ASIC5: variants seen among roughly 807,000 people sequenced by gnomAD.
ASIC5 encodes the protein acid sensing ion channel subunit family member 5.
ASIC5 carries 52 observed loss-of-function variants against 51.2 expected under a neutral mutation model. That is an observed-to-expected ratio of 1.02 (90% CI 0.81 to 1.28). The LOEUF (loss-of-function observed/expected upper bound fraction) is 1.28. Ranked by LOEUF, ASIC5 falls within the 50% of genes most tolerant of loss-of-function variation. The probability of loss-of-function intolerance (pLI) is 0.00; values close to 1 mark genes in which losing one functional copy is unlikely to be tolerated. For missense variants in ASIC5, 635 were observed against 595.0 expected (o/e 1.07, Z -0.70); for synonymous variants, 231 against 200.7 (o/e 1.15, Z -1.28).
intron 1 of ASIC5, among the ~76,000 whole-genome samples, chr4:155,864,144 G>A (rs890391893): frequency 1.1e-4 from 16 of 152,216 alleles, no homozygotes; most frequent in African/African-American, 3.9e-4. Context: ...ACAAAATGAG[G>A]CTGATTCCTC....
intron 2 of ASIC5, among the ~76,000 whole-genome samples, chr4:155,862,534 T>C (rs2110773255): frequency 6.6e-6 from 1 of 152,222 alleles, no homozygotes; most frequent in East Asian, 1.9e-4. Flanking sequence ...TATTTCATGC[T>C]TCACCACAGG....
chr4:155,840,507 T>C (rs1741092811), intron 6 of ASIC5, among the ~76,000 whole-genome samples: 1 of 148,544 alleles, frequency 6.7e-6, no homozygotes, highest in Non-Finnish European at 1.5e-5. Context: ...ATATTTTATA[T>C]ATTTTTTACT....
intron 2 of ASIC5, among the ~76,000 whole-genome samples, chr4:155,858,300 T>C (rs919584692): frequency 1.6e-4 from 24 of 152,228 alleles, no homozygotes; most frequent in African/African-American, 5.8e-4. Flanking sequence ...TTTCTGTTTG[T>C]ATAACCATTG....
intron 3 of ASIC5, among the ~76,000 whole-genome samples, chr4:155,853,184 G>T (rs150393134): frequency 2.0e-4 from 31 of 152,130 alleles, no homozygotes; most frequent in Admixed American, 1.2e-3. Context: ...AGTTAAACTT[G>T]TTGGTGAATA....
At chr4:155,841,498 G>C (rs1400710956) in intron 6 of ASIC5, among the ~76,000 whole-genome samples, 2 of 152,104 alleles carry the variant, frequency 1.3e-5, no homozygotes, top group African/African-American at 4.8e-5. Context: ...TGAGCAGCCT[G>C]GTTGAGATCC....
At chr4:155,851,671 C>G (rs1390979368) in intron 4 of ASIC5, among the ~76,000 whole-genome samples, 1 of 151,944 alleles carries the variant, frequency 6.6e-6, no homozygotes, top group Non-Finnish European at 1.5e-5. Flanking sequence ...GGACTAAACA[C>G]TTAGAACTTA....
intron 6 of ASIC5, among the ~76,000 whole-genome samples, chr4:155,841,715 C>G (rs1272202328): frequency 2.0e-5 from 3 of 152,072 alleles, no homozygotes; most frequent in Non-Finnish European, 4.4e-5. Flanking sequence ...TCTTGGTGTG[C>G]TGTTTTAGAT....
chr4:155,830,024 A>T lies in ASIC5; in HGVS notation c.1350T>A (p.Gly450=), dbSNP rs933673303. Residue 450 remains glycine, a synonymous_variant, in exon 10 of 10, where the codon GGT becomes GGA. Coordinates refer to ENST00000537611, the MANE Select transcript of ASIC5 (RefSeq NM_017419.3). ...ELLADLGGQL[G]LFCGASLITI... ...TGATCAGACTGGCCCCACAAAATAGACCCAGCTGACCACCAAGATCTGCTG... is the reference window on the plus strand; with the variant it reads ...TGATCAGACTGGCCCCACAAAATAGTCCCAGCTGACCACCAAGATCTGCTG... 3.2e-6 allele frequency: 5 copies of T among 1,558,916 alleles called. No individual in the cohort carries two copies. In the African/African-American group the frequency reaches 6.9e-5, roughly 22 times the overall value.
chr4:155,829,919 C>A lies in ASIC5; in HGVS notation c.1455G>T (p.Met485Ile). The change falls in exon 10 of 10, where the codon ATG becomes ATT. Residue 485 changes from methionine (M) to isoleucine (I), a missense_variant. Transcript: ENST00000537611. Reference sequence around the variant, plus strand: ...TCTGAGGTGGAGGAGTCCACTGGGTCATTTCAGATATCTTCAGCAAAAAGA... The same window carrying A: ...TCTGAGGTGGAGGAGTCCACTGGGTAATTTCAGATATCTTCAGCAAAAAGA... ...CIFFLLKISE[M>I]TQWTPPPQNH... 1 of 1,607,110 alleles carries A rather than the reference C, an allele frequency of 6.2e-7. No homozygotes were observed.
intron 6 of ASIC5, among the ~76,000 whole-genome samples, chr4:155,841,476 GTA>G (rs1741119336): frequency 1.3e-5 from 2 of 152,110 alleles, no homozygotes. Context: ...GGGAGAAATT[GTA>G]GAGCCGACAT....
At position 155,854,147 on chromosome 4, in the gene ASIC5, T is replaced by C. The variant is rs1741461825; in HGVS notation, c.515A>G (p.Asn172Ser). 2 of 1,613,332 alleles carry C rather than the reference T, an allele frequency of 1.2e-6. No individual in the cohort carries two copies. The highest frequency in any genetic ancestry group is 2.2e-5 in the East Asian group (1 of 44,830). Reference sequence around the variant, plus strand: ...GCTATTGTTGAGATAAAAACCTTTGTTCCTGATAAATTCCACAATGCTGAA... The same window carrying C: ...GCTATTGTTGAGATAAAAACCTTTGCTCCTGATAAATTCCACAATGCTGAA... ...QNFSIVEFIRNKGFYLNNSTL... is the reference protein window; with the variant it reads ...QNFSIVEFIRSKGFYLNNSTL... The change falls in exon 3 of 10, where the codon AAC becomes AGC. Residue 172 changes from asparagine (N) to serine (S), a missense_variant. Coordinates refer to ENST00000537611, the MANE Select transcript of ASIC5 (RefSeq NM_017419.3).
chr4:155,829,973 T>C lies in ASIC5; in HGVS notation c.1401A>G (p.Leu467=), dbSNP rs139212428. Residue 467 remains leucine (L), a synonymous_variant, in exon 10 of 10, where the codon CTA becomes CTG. Transcript: ENST00000537611. ...LITIIEIIEY[L]FTNFYWICIF... ...TGCATATCCAGTAGAAATTGGTGAA[T>C]AGATATTCAATAATTTCTATGATCG... 1 of 1,602,500 alleles carries C rather than the reference T, an allele frequency of 6.2e-7. No individual in the cohort carries two copies.
chr4:155,841,242 T>C (rs1207186530), intron 6 of ASIC5, among the ~76,000 whole-genome samples: 1 of 152,154 alleles, frequency 6.6e-6, no homozygotes, highest in Non-Finnish European at 1.5e-5. Context: ...GGCAGGTAGA[T>C]TGTGTTACAA....
chr4:155,864,569 T>TGGGCTTCACAATGGAAGATC (rs1474545514), intron 1 of ASIC5: 4 of 152,078 alleles, frequency 2.6e-5, no homozygotes, highest in African/African-American at 9.7e-5. Context: ...GAGCATGAGA[T>TGGGCTTCACAATGGAAGATC]GGGCTTCACA....
At chr4:155,864,983 A>G (rs1202075645) in intron 1 of ASIC5, 1 of 152,110 alleles carries the variant, frequency 6.6e-6, no homozygotes, top group African/African-American at 2.4e-5. Context: ...TAATTTACTT[A>G]CAAGATGTTT....
rs1741849203 is a variant in ASIC5 at position 155,865,845 on chromosome 4, C to G, written c.40+342G>C. On this transcript the variant is annotated intron_variant, in intron 1 of 9. Transcript: ENST00000537611. ...AGACCTTGCATTGAGTGCTGATCAA[C>G]ATAGAAGCATTTTGAGGAACATCAA... 2.0e-5 allele frequency among the ~76,000 whole-genome samples: 3 copies of G among 151,982 alleles called. No individual in the cohort carries two copies. In the South Asian group the frequency reaches 6.2e-4, roughly 31 times the overall value.
chr4:155,836,801 C>A lies in ASIC5; in HGVS notation c.1123G>T (p.Val375Phe), dbSNP rs746182041. ...GGGTATTCTATTTCTTCACAAGAAA[C>A]GGGGCAGCTAGAGTTATGTGTTCCT... is the stretch of plus-strand genomic sequence containing the variant. ...TVGTHNSSCP[V>F]SCEEIEYPAT... Residue 375 changes from valine to phenylalanine, a missense_variant, in exon 8 of 10, where the codon GTT (valine) becomes TTT (phenylalanine). Val to Phe is a conservative substitution (Grantham distance 50, BLOSUM62 -1). Transcript: ENST00000537611. 6.2e-7 allele frequency: 1 copy of A among 1,608,438 alleles called. No homozygotes were observed. Among genetic ancestry groups the A allele is most frequent in the East Asian group, 2.2e-5 (1 of 44,776 alleles).
intron 2 of ASIC5, among the ~76,000 whole-genome samples, chr4:155,860,524 A>C (rs551895958): frequency 6.6e-6 from 1 of 151,858 alleles, no homozygotes; most frequent in African/African-American, 2.4e-5. Context: ...TGGGAATCCA[A>C]ATTATCTTTC....
At chr4:155,854,943 G>A (rs1166973748) in intron 2 of ASIC5, 1 of 152,146 alleles carries the variant, frequency 6.6e-6, no homozygotes, top group African/African-American at 2.4e-5. Context: ...GTGAAAAAGA[G>A]ACCTACATTT....
Sources: gnomAD v4.1 joint callset for allele counts (sites outside exome capture counted in the v4.1 genomes callset) on GRCh38, gnomAD v4.1.1 for gene constraint, MANE v1.5 for transcripts, NCBI Gene and HGNC (gene_info 2026-07-23, HGNC 2026-07-21) for gene names.